Variants in FLNA observed in about 807,000 individuals in gnomAD.
FLNA encodes filamin-A.
A neutral mutation model predicts 157.6 loss-of-function variants in FLNA; 7 were observed. The observed-to-expected ratio is 0.04, with a 90% CI of 0.03 to 0.08. The LOEUF (loss-of-function observed/expected upper bound fraction) is 0.08. FLNA is among the 10% of genes least tolerant of loss of function. The pLI, the probability that FLNA is intolerant of heterozygous loss-of-function variation, is 1.00. For synonymous variants in FLNA, 1,103 were observed against 1,060.8 expected, an observed-to-expected ratio of 1.04 and a Z score of -0.77; for missense variants, 1,750 against 2,398.4, an observed-to-expected ratio of 0.73 and a Z score of 5.65.
Position 154,359,780 on chromosome X carries a change from C to T in FLNA, c.3931G>A (p.Asp1311Asn). The change falls in exon 23 of 48, where the codon GAC becomes AAC. Residue 1311 changes from aspartate (D) to asparagine (N), a missense_variant. Around this residue, in one of 5 missense-constraint regions of FLNA, gnomAD observed 970 missense variants for 1,302.6 expected, o/e 0.74. Coordinates refer to ENST00000369850, the MANE Select transcript of FLNA (RefSeq NM_001110556.2). ...ACTTTGTACATGCCATCGCCACGGT[C>T]CTGAACGTAGGTCTCCGTCAGGTTG... The part of the protein sequence containing the change: ...SGNLTETYVQ[D>N]RGDGMYKVEY... 8.3e-7 allele frequency: 1 copy of T among 1,211,016 alleles called. No individual in the cohort carries two copies. The highest frequency in any genetic ancestry group is 1.1e-6 in the Non-Finnish European group (1 of 895,494).
rs374447840 is a variant in FLNA, at chrX:154,359,089, C to T, written c.4369G>A (p.Gly1457Ser). Residue 1457 changes from glycine (G) to serine (S), a missense_variant, in exon 26 of 48, where the codon GGC becomes AGC. Around this residue, in one of 5 missense-constraint regions of FLNA, gnomAD observed 970 missense variants for 1,302.6 expected, o/e 0.74. Coordinates refer to ENST00000369850, the MANE Select transcript of FLNA (RefSeq NM_001110556.2). ...GCACGAACCATGCCTGGGCTCAGGC[C>T]GGGCCCAGAGCACTTGACCTTGGAC... is the stretch of plus-strand genomic sequence containing the variant. ...DASKVKCSGPGLSPGMVRANL... is the reference protein window; with the variant it reads ...DASKVKCSGPSLSPGMVRANL... 1.7e-6 allele frequency: 2 copies of T among 1,211,179 alleles called. No homozygotes were observed. The highest frequency in any genetic ancestry group is 2.2e-6 in the Non-Finnish European group (2 of 895,297).
At chrX:154,349,251 G>C in intron 47 of FLNA, 111 bp downstream of exon 47, 2 of 873,299 alleles carry the variant, frequency 2.3e-6, no homozygotes, top group South Asian at 4.1e-5. Context: ...GGTGGCTCTA[G>C]AAGTGAAAGC....
In FLNA at chrX:154,361,549, T is replaced by C; in HGVS notation, c.2966A>G (p.Gln989Arg). The C allele has an allele frequency of 8.3e-7, 1 of 1,211,683 alleles. No homozygotes were observed. Residue 989 changes from glutamine to arginine, a missense_variant, in exon 21 of 48, where the codon CAG becomes CGG. This residue lies in a region of FLNA where 648 missense variants were observed against 805.8 expected (regional missense o/e 0.80). Transcript: ENST00000369850. Reference sequence around the variant, plus strand: ...ACCCTTTGATTTGACTGTGAACTCCTGGTCTTTGCCAACGTCCACCTCTGT... The same window carrying C: ...ACCCTTTGATTTGACTGTGAACTCCCGGTCTTTGCCAACGTCCACCTCTGT... The part of the protein sequence containing the change: ...LGEKVDVGKD[Q>R]EFTVKSKGAG...
chrX:154,370,778 C>T, intron 2 of FLNA, 95 bp downstream of exon 2: 1 of 980,910 alleles, frequency 1.0e-6, no homozygotes, highest in South Asian at 2.1e-5. Context: ...CGCTGCGGCC[C>T]GGAAGGGGGT....
At chrX:154,362,176 G>C in intron 18 of FLNA, 28 bp from the exon 19 acceptor site, 3 of 1,210,464 alleles carry the variant, frequency 2.5e-6, no homozygotes, top group Non-Finnish European at 3.4e-6. Context: ...ACCATGTAGG[G>C]GCACCCTGCC....
intron 11 of FLNA, 78 bp downstream of exon 11, chrX:154,365,058 C>T: frequency 3.3e-6 from 4 of 1,204,894 alleles, no homozygotes; most frequent in Non-Finnish European, 4.5e-6. Flanking sequence ...TGTGGCCCCT[C>T]ATCATCAGGT....
At chrX:154,353,505 C>G in intron 36 of FLNA, 48 bp from the exon 37 acceptor site, 2 of 1,210,773 alleles carry the variant, frequency 1.7e-6, no homozygotes, top group Non-Finnish European at 2.2e-6. Context: ...CATGGGAGAC[C>G]ATGCCCACCC....
At chrX:154,349,226 A>AG in intron 47 of FLNA, 136 bp downstream of exon 47, 6 of 777,127 alleles carry the variant, frequency 7.7e-6, no homozygotes, top group Non-Finnish European at 9.8e-6. Flanking sequence ...TGAGGGGTCC[A>AG]GGAGGTGGCA....
Position 154,361,479 on chromosome X carries a change from C to T in FLNA, c.3036G>A (p.Ser1012=), listed in dbSNP as rs373908435. 1.3e-4 allele frequency: 159 copies of T among 1,209,166 alleles called. No individual in the cohort carries two copies. The highest frequency in any genetic ancestry group is 2.3e-4 in the Middle Eastern group (1 of 4,372). Residue 1012 remains serine (S), a synonymous_variant, in exon 21 of 48, where the codon TCG becomes TCA. Transcript: ENST00000369850. The part of the protein sequence containing the change: ...GKVASKIVGP[S]GAAVPCKVEP... ...CCACCTTGCAGGGCACCGCTGCACC[C>T]GAGGGGCCCACAATCTTGGATGCCA...
chrX:154,367,003 G>A (rs1345429733), intron 5 of FLNA, among the ~76,000 whole-genome samples, 153 bp from the exon 6 acceptor site: 6 of 112,120 alleles, frequency 5.4e-5, no homozygotes, highest in African/African-American at 1.3e-4. Context: ...GCCTGGCCTC[G>A]GGACCCAGCT....
Position 154,360,540 on chromosome X carries a change from G to A in FLNA, c.3255C>T (p.Pro1085=), listed in dbSNP as rs782231907. The A allele has an allele frequency of 2.1e-5, 25 of 1,208,617 alleles. No individual in the cohort carries two copies. Among genetic ancestry groups the A allele is most frequent in the African/African-American group, 5.2e-5 (3 of 57,689 alleles). The stretch of plus-strand genomic sequence containing the variant: ...CCTTGGTGTCGATGGTGAAGCGGGC[G>A]GGGGAGCCCGCACTGCCTCCCTGCA... ...PGLQGGSAGS[P]ARFTIDTKGA... is the part of the protein sequence containing the mutation. The change falls in exon 22 of 48, where the codon CCC becomes CCT. Residue 1085 remains proline, a synonymous_variant. Coordinates refer to ENST00000369850, the MANE Select transcript of FLNA (RefSeq NM_001110556.2).
chrX:154,352,643 C>A lies in FLNA; in HGVS notation c.6412G>T (p.Gly2138Cys), dbSNP rs200524526. 212 of 1,210,709 alleles carry A rather than the reference C, an allele frequency of 1.8e-4. No homozygotes were observed. The highest frequency in any genetic ancestry group is 2.2e-4 in the Non-Finnish European group (197 of 895,431). The change falls in exon 40 of 48, where the codon GGC becomes TGC. Residue 2138 changes from glycine to cysteine, a missense_variant. By Grantham distance (159) the Gly-to-Cys change is radical. Around this residue, in one of 5 missense-constraint regions of FLNA, gnomAD observed 970 missense variants for 1,302.6 expected, o/e 0.74. Coordinates refer to ENST00000369850, the MANE Select transcript of FLNA (RefSeq NM_001110556.2). ...CGGGTGATGCTCTCTTTCACCCGGC[C>A]CTCGCCTGTCACCTTCACAGAGAAG... ...SPFSVKVTGE[G>C]RVKESITRRR...
intron 28 of FLNA, 104 bp from the exon 29 acceptor site, chrX:154,357,727 T>C: frequency 1.3e-6 from 1 of 767,293 alleles, no homozygotes. Flanking sequence ...AGGGACAGTC[T>C]CTGGGCCTCA....
Position 154,359,020 on chromosome X carries a change from C to T in FLNA, c.4438G>A (p.Val1480Met). 1 of 1,211,607 alleles carries T rather than the reference C, an allele frequency of 8.3e-7. No homozygotes were observed. ...SFQVDTSKAGVAPLQVKVQGP... is the reference protein window; with the variant it reads ...SFQVDTSKAGMAPLQVKVQGP... ...TGCACTTTGACCTGCAATGGGGCCA[C>T]ACCAGCCTTGCTTGTGTCCACCTGG... Residue 1480 changes from valine to methionine, a missense_variant, in exon 26 of 48, where the codon GTG becomes ATG. By Grantham distance (21) the Val-to-Met change is conservative (BLOSUM62 1). Coordinates refer to ENST00000369850, the MANE Select transcript of FLNA (RefSeq NM_001110556.2).
intron 2 of FLNA, among the ~76,000 whole-genome samples, chrX:154,369,805 C>T (rs1401658819): frequency 1.8e-5 from 2 of 112,147 alleles, no homozygotes; most frequent in African/African-American, 6.5e-5. Context: ...AACTGGCATT[C>T]CAAAGAAAGA....
intron 5 of FLNA, among the ~76,000 whole-genome samples, chrX:154,367,151 A>AG (rs1342652192): frequency 8.9e-6 from 1 of 111,906 alleles, no homozygotes; most frequent in Non-Finnish European, 1.9e-5. Context: ...CATTTATAAT[A>AG]AAGACCGCTG....
intron 2 of FLNA, among the ~76,000 whole-genome samples, chrX:154,369,607 A>C (rs2067789627): frequency 9.1e-6 from 1 of 109,578 alleles, no homozygotes. Context: ...AGCTCTGGGA[A>C]CTAGGCCTGC....
Position 154,353,346 on chromosome X carries a change from G to A in FLNA, c.5972C>T (p.Ser1991Leu), listed in dbSNP as rs187029309. The A allele has an allele frequency of 3.7e-3, 4,537 of 1,210,765 alleles. 8 individuals are homozygous for A. Among genetic ancestry groups the A allele is most frequent in the Non-Finnish European group, 4.6e-3 (4,157 of 895,351 alleles). Residue 1991 changes from serine (S) to leucine (L), a missense_variant, in exon 37 of 48, where the codon TCG becomes TTG. By Grantham distance (145) the Ser-to-Leu change is moderately radical. Transcript: ENST00000369850. ...CAGCAAACAGGGCTCCTCCCGGCCC[G>A]AGGGCGGGACCACAGTGGCCGTCAG... ...SLLTATVVPPSGREEPCLLKR... is the reference protein window; with the variant it reads ...SLLTATVVPPLGREEPCLLKR...
At chrX:154,370,798 G>A (rs1040399170) in intron 2 of FLNA, 75 bp downstream of exon 2, 1 of 1,099,657 alleles carries the variant, frequency 9.1e-7, no homozygotes, top group Non-Finnish European at 1.2e-6. Flanking sequence ...TGGTTTGGAG[G>A]GGTCCGCCCG....
Sources: gnomAD v4.1 joint callset for allele counts (sites outside exome capture counted in the v4.1 genomes callset) on GRCh38, gnomAD v4.1.1 for gene constraint, gnomAD v4.1.1 regional missense constraint, MANE v1.5 for transcripts, NCBI Gene and HGNC (gene_info 2026-07-23, HGNC 2026-07-21) for gene names.